LMO1: variants seen among roughly 807,000 people sequenced by gnomAD.
LMO1 encodes the protein rhombotin-1.
A neutral mutation model predicts 18.0 loss-of-function variants in LMO1; 10 were observed. The ratio of observed to expected loss-of-function variants is 0.55; its 90% confidence interval spans 0.34 to 0.94. The LOEUF is 0.94. Ranked by LOEUF, LMO1 falls within the 40% of genes least tolerant of loss-of-function variation. The pLI, the probability that LMO1 is intolerant of heterozygous loss-of-function variation, is 0.02. For synonymous variants in LMO1, 77 were observed against 77.9 expected, an observed-to-expected ratio of 0.99 and a Z score of 0.06; for missense variants, 183 against 205.7, an observed-to-expected ratio of 0.89 and a Z score of 0.68.
At position 8,224,432 on chromosome 11, in the gene LMO1, G is replaced by A. The variant is rs1247072822; in HGVS notation, c.*184C>T. 5.2e-6 allele frequency: 3 copies of A among 576,992 alleles called. No homozygotes were observed. Among genetic ancestry groups the A allele is most frequent in the Non-Finnish European group, 9.3e-6 (3 of 323,526 alleles). The allele number at this position is 576,992 out of a possible 1,614,324, so 35.7% of individuals were successfully genotyped here. On this transcript the variant is annotated 3_prime_UTR_variant, in exon 4 of 4. Coordinates refer to ENST00000335790, the MANE Select transcript of LMO1 (RefSeq NM_002315.3). ...TACAGGCCCGGCCTGGCCCCAGGAG[G>A]GGTCACACACAGACGGGCGGTGGTG...
intron 2 of LMO1, among the ~76,000 whole-genome samples, chr11:8,229,821 T>C (rs1235774001): frequency 1.3e-5 from 2 of 152,206 alleles, no homozygotes; most frequent in Non-Finnish European, 2.9e-5. Context: ...GGCAAATGGA[T>C]GCCTGCTCCC....
intron 1 of LMO1, among the ~76,000 whole-genome samples, chr11:8,250,393 C>T (rs1846969074): frequency 1.3e-5 from 2 of 152,136 alleles, no homozygotes; most frequent in Non-Finnish European, 2.9e-5. Flanking sequence ...AATAATATCT[C>T]AATAATACTA....
chr11:8,255,151 G>A (rs7106955), intron 1 of LMO1, among the ~76,000 whole-genome samples: 99,866 of 151,914 alleles, frequency 0.66, 34,690 homozygotes, highest in Non-Finnish European at 0.78. Flanking sequence ...TATTTTGGCC[G>A]ATAGAATGCA....
chr11:8,245,568 G>A (rs1257275055), intron 1 of LMO1, among the ~76,000 whole-genome samples: 1 of 152,210 alleles, frequency 6.6e-6, no homozygotes, highest in Middle Eastern at 3.2e-3. Context: ...GAAAACTGAA[G>A]CCAGCAGGCA....
intron 3 of LMO1, 105 bp downstream of exon 3, chr11:8,226,870 G>C: frequency 6.9e-7 from 1 of 1,453,666 alleles, no homozygotes; most frequent in Non-Finnish European, 9.1e-7. Context: ...ATACACACAC[G>C]CAACCCGCAT....
chr11:8,242,720 A>G (rs1301265377), intron 1 of LMO1, among the ~76,000 whole-genome samples: 21 of 152,148 alleles, frequency 1.4e-4, no homozygotes, highest in Admixed American at 1.4e-3. Flanking sequence ...TCACCCATCT[A>G]ATGAAACAGG....
At chr11:8,256,105 G>T (rs562671507) in intron 1 of LMO1, among the ~76,000 whole-genome samples, 3 of 152,192 alleles carry the variant, frequency 2.0e-5, no homozygotes, top group African/African-American at 7.2e-5. Flanking sequence ...GATTATAGGC[G>T]TGAGCCACCG....
intron 1 of LMO1, among the ~76,000 whole-genome samples, chr11:8,251,714 G>A (rs1337206446): frequency 6.6e-6 from 1 of 151,968 alleles, no homozygotes; most frequent in Non-Finnish European, 1.5e-5. Context: ...TGTGCAGGTA[G>A]GTGTGCGTGT....
rs571347839 is a variant in LMO1 at position 8,228,112 on chromosome 11, C to T, written c.240-1012G>A. Reference sequence around the variant, plus strand: ...GATCCTATTCAAAGATGCTGTAAAACAGAACTGATGCCCAAAGGAAGCGCC... The same window carrying T: ...GATCCTATTCAAAGATGCTGTAAAATAGAACTGATGCCCAAAGGAAGCGCC... On this transcript the variant is annotated intron_variant, in intron 2 of 3. Coordinates refer to ENST00000335790, the MANE Select transcript of LMO1 (RefSeq NM_002315.3). Among the ~76,000 whole-genome samples the T allele has an allele frequency of 6.6e-5, 10 of 152,360 alleles. No homozygotes were observed. In the East Asian group the frequency reaches 1.5e-3, roughly 23 times the overall value.
At chr11:8,241,409 A>C (rs1027111626) in intron 1 of LMO1, among the ~76,000 whole-genome samples, 5 of 152,242 alleles carry the variant, frequency 3.3e-5, no homozygotes, top group African/African-American at 1.2e-4. Flanking sequence ...AGGGCAGGTC[A>C]CTGCTCAACT....
intron 1 of LMO1, among the ~76,000 whole-genome samples, chr11:8,235,503 C>T (rs1399719469): frequency 2.0e-5 from 3 of 152,218 alleles, no homozygotes; most frequent in Non-Finnish European, 4.4e-5. Context: ...ATTGACATAA[C>T]ATTATTATCT....
intron 1 of LMO1, among the ~76,000 whole-genome samples, chr11:8,239,007 T>A (rs148823140): frequency 0.014 from 2,099 of 152,280 alleles, 21 homozygotes; most frequent in South Asian, 0.029. Flanking sequence ...TCTCAATGAA[T>A]CTTCATATTA....
At chr11:8,264,897 A>C (rs11605226), upstream of LMO1, among the ~76,000 whole-genome samples, 48,342 of 152,118 alleles carry the variant, frequency 0.32, 8,573 homozygotes, top group African/African-American at 0.49. Context: ...TCCCACAGTG[A>C]TGGGATTACA....
intron 1 of LMO1, among the ~76,000 whole-genome samples, chr11:8,241,801 CAAAAAA>C (rs935544342): frequency 6.9e-6 from 1 of 144,192 alleles, no homozygotes; most frequent in African/African-American, 2.7e-5. Flanking sequence ...AAAAAAAAAA[CAAAAAA>C]AAGTCTGATT....
intron 1 of LMO1, among the ~76,000 whole-genome samples, chr11:8,247,929 C>T (rs1471527608): frequency 6.6e-6 from 1 of 152,262 alleles, no homozygotes; most frequent in Non-Finnish European, 1.5e-5. Flanking sequence ...TTCTCACCAA[C>T]ACCTCCTCGG....
chr11:8,238,343 C>T lies in LMO1; in HGVS notation c.26-7839G>A, dbSNP rs528936944. On this transcript the variant is annotated intron_variant, in intron 1 of 3. Coordinates refer to ENST00000335790, the MANE Select transcript of LMO1 (RefSeq NM_002315.3). ...TGTATAATTTCATTTATATGTAGCT[C>T]CCAAACAGGCAAAACCGATCTGATG... 6.6e-5 allele frequency among the ~76,000 whole-genome samples: 10 copies of T among 152,216 alleles called. No individual in the cohort carries two copies. The East Asian group carries it at 1.7e-3, about 26-fold the overall frequency.
chr11:8,266,917 C>G (rs978090106), upstream of LMO1, among the ~76,000 whole-genome samples: 4 of 152,216 alleles, frequency 2.6e-5, no homozygotes, highest in African/African-American at 4.8e-5. Context: ...CTGTGGCCAC[C>G]ACAGTTGACA....
At chr11:8,252,905 G>A (rs1414122180) in intron 1 of LMO1, among the ~76,000 whole-genome samples, 1 of 152,244 alleles carries the variant, frequency 6.6e-6, no homozygotes, top group Non-Finnish European at 1.5e-5. Flanking sequence ...TTTGGAATGT[G>A]TGTTGGAATG....
chr11:8,267,430 T>G (rs1394178277), upstream of LMO1, among the ~76,000 whole-genome samples: 1 of 152,162 alleles, frequency 6.6e-6, no homozygotes, highest in Non-Finnish European at 1.5e-5. Flanking sequence ...GCCCAGAAGT[T>G]GCCTCTCAAC....
Sources: allele counts gnomAD v4.1 joint callset (sites outside exome capture counted in the v4.1 genomes callset), GRCh38; gene constraint gnomAD v4.1.1; transcripts MANE v1.5; gene names NCBI Gene and HGNC (gene_info 2026-07-23, HGNC 2026-07-21).